The following MAGI3 variants were observed in gnomAD, a reference collection of about 807,000 sequenced individuals.
The protein encoded by MAGI3 is membrane-associated guanylate kinase, WW and PDZ domain-containing protein 3.
Under a neutral mutation model 121.8 loss-of-function variants are expected in MAGI3, and 43 were observed. The observed-to-expected ratio is 0.35, with a 90% confidence interval of 0.28 to 0.46. The LOEUF is 0.46. Ranked by LOEUF, MAGI3 falls within the 20% of genes least tolerant of loss-of-function variation. The pLI is 1.00. For missense variants in MAGI3, 1,547 were observed against 1,797.3 expected (o/e 0.86, Z 2.52); for synonymous variants, 553 against 639.3 (o/e 0.86, Z 2.04).
intron 1 of MAGI3, chr1:113,449,585 G>A: frequency 1.6e-6 from 1 of 626,074 alleles, no homozygotes; most frequent in Non-Finnish European, 2.8e-6. Context: ...ATCTGCAAGT[G>A]CATTTTTTTT....
At chr1:113,517,138 A>T (rs1410654848) in intron 1 of MAGI3, among the ~76,000 whole-genome samples, 1 of 151,944 alleles carries the variant, frequency 6.6e-6, no homozygotes, top group Non-Finnish European at 1.5e-5. Context: ...ACTTTAGGTA[A>T]AAAATTAGGA....
rs1402838182 is a variant in MAGI3 at position 113,658,788 on chromosome 1, C to G, written c.2630-292C>G. On this transcript the variant is annotated intron_variant, in intron 15 of 20. Coordinates refer to ENST00000307546, the MANE Select transcript of MAGI3 (RefSeq NM_001142782.2). The surrounding 1 kb of genome is among the most constrained non-coding windows in gnomAD (Gnocchi z 4.0). Reference sequence around the variant, plus strand: ...TGAGATTAGTAGCTCTTAAACAGAACAATTACGATGAGAATGTAAAAATTA... The same window carrying G: ...TGAGATTAGTAGCTCTTAAACAGAAGAATTACGATGAGAATGTAAAAATTA... Among the ~76,000 whole-genome samples the G allele has an allele frequency of 6.6e-6, 1 of 152,076 alleles. No homozygotes were observed. The highest frequency in any genetic ancestry group is 1.5e-5 in the Non-Finnish European group (1 of 68,008).
chr1:113,423,262 G>T lies in MAGI3; in HGVS notation c.316+31913G>T, dbSNP rs1010150345. ...TAAGTATTCGTTTTTTTTTTTTTGGGGGGGGGGTTGTTTTTGTTTTTGTTT... is the reference window on the plus strand; with the variant it reads ...TAAGTATTCGTTTTTTTTTTTTTGGTGGGGGGGTTGTTTTTGTTTTTGTTT... On this transcript the variant is annotated intron_variant, in intron 1 of 20. Transcript: ENST00000307546. 2.8e-4 allele frequency among the ~76,000 whole-genome samples: 41 copies of T among 147,708 alleles called. No individual in the cohort carries two copies. In the East Asian group the frequency reaches 4.4e-3, roughly 16 times the overall value.
intron 1 of MAGI3, among the ~76,000 whole-genome samples, chr1:113,519,992 A>T (rs1356498453): frequency 1.3e-5 from 2 of 152,218 alleles, no homozygotes; most frequent in Non-Finnish European, 2.9e-5. Context: ...TTTTCACTGC[A>T]TGTGCAATGT....
At chr1:113,458,633 C>G (rs1417162352) in intron 1 of MAGI3, among the ~76,000 whole-genome samples, 1 of 152,166 alleles carries the variant, frequency 6.6e-6, no homozygotes, top group Non-Finnish European at 1.5e-5. Flanking sequence ...ACCCCAGGCT[C>G]CCAGGTAGCA....
intron 16 of MAGI3, among the ~76,000 whole-genome samples, chr1:113,667,417 A>C (rs572664810): frequency 6.6e-6 from 1 of 152,320 alleles, no homozygotes; most frequent in Admixed American, 6.5e-5. Context: ...AACCTCATGA[A>C]CCAGCTTCTT....
intron 1 of MAGI3, among the ~76,000 whole-genome samples, chr1:113,478,130 A>G (rs966576979): frequency 5.9e-5 from 9 of 152,116 alleles, no homozygotes; most frequent in African/African-American, 2.2e-4. Flanking sequence ...CCATTCATCT[A>G]ATCTTTTTTC....
chr1:113,582,057 A>G (rs549872347), intron 3 of MAGI3, among the ~76,000 whole-genome samples: 2 of 152,206 alleles, frequency 1.3e-5, no homozygotes, highest in East Asian at 3.9e-4. Context: ...CTTATTATTA[A>G]TTGCTGTGTG....
At chr1:113,433,594 TTG>T (rs1197242723) in intron 1 of MAGI3, among the ~76,000 whole-genome samples, 1 of 152,202 alleles carries the variant, frequency 6.6e-6, no homozygotes, top group Non-Finnish European at 1.5e-5. Flanking sequence ...ATCCCATTCA[TTG>T]ATATTTAGTG....
intron 9 of MAGI3, among the ~76,000 whole-genome samples, chr1:113,636,305 T>C (rs1462527167): frequency 6.6e-6 from 1 of 152,226 alleles, no homozygotes; most frequent in South Asian, 2.1e-4. Context: ...TTCTAGTTCT[T>C]TTAATTGTGA....
chr1:113,568,401 T>A lies in MAGI3; in HGVS notation c.434-12141T>A, dbSNP rs369136251. Among the ~76,000 whole-genome samples the A allele has an allele frequency of 2.0e-4, 31 of 152,214 alleles. 1 individual carries two copies. Among genetic ancestry groups the A allele is most frequent in the Admixed American group, 1.4e-3 (22 of 15,274 alleles). ...TCTTATTCATGAATTAAAGGCAGTATGGCAAAGATACCAGTTCTGCTCAAA... is the reference window on the plus strand; with the variant it reads ...TCTTATTCATGAATTAAAGGCAGTAAGGCAAAGATACCAGTTCTGCTCAAA... On this transcript the variant is annotated intron_variant, in intron 2 of 20. Coordinates refer to ENST00000307546, the MANE Select transcript of MAGI3 (RefSeq NM_001142782.2).
rs2101047702 is a variant in MAGI3 at position 113,685,226 on chromosome 1, AG to A, written c.*1213del. On this transcript the variant is annotated 3_prime_UTR_variant, in exon 21 of 21. Coordinates refer to ENST00000307546, the MANE Select transcript of MAGI3 (RefSeq NM_001142782.2). The stretch of plus-strand genomic sequence containing the variant: ...ACACATTTTCAGAATTCTTTTTAAA[AG>A]TCTAGTTAAAGATGTTTCTTAGAAG... The A allele has an allele frequency of 6.6e-6, 1 of 152,508 alleles. No homozygotes were observed. Among genetic ancestry groups the A allele is most frequent in the African/African-American group, 2.4e-5 (1 of 41,586 alleles). The allele number at this position is 152,508 out of a possible 1,614,324, so 9.4% of individuals were successfully genotyped here.
chr1:113,503,732 T>C (rs1233561607), intron 1 of MAGI3, among the ~76,000 whole-genome samples: 8 of 152,090 alleles, frequency 5.3e-5, no homozygotes, highest in Admixed American at 5.2e-4. Flanking sequence ...TATTATTAAA[T>C]CTAATTTGCA....
chr1:113,395,659 A>ATATATG (rs1158391047), intron 1 of MAGI3, among the ~76,000 whole-genome samples: 1 of 151,924 alleles, frequency 6.6e-6, no homozygotes, highest in Non-Finnish European at 1.5e-5. Flanking sequence ...TATTATATGC[A>ATATATG]TATATGTATA....
At chr1:113,484,076 C>T (rs1656236804) in intron 1 of MAGI3, among the ~76,000 whole-genome samples, 1 of 152,020 alleles carries the variant, frequency 6.6e-6, no homozygotes, top group Non-Finnish European at 1.5e-5. Flanking sequence ...TTAGAAATAG[C>T]AAATGATTCT....
At chr1:113,639,630 C>T (rs773614498) in intron 9 of MAGI3, among the ~76,000 whole-genome samples, 17 of 152,060 alleles carry the variant, frequency 1.1e-4, no homozygotes, top group Non-Finnish European at 2.2e-4. Context: ...TGCAGTGCTG[C>T]GACCTCGGCT....
rs186184058 is a variant in MAGI3 at position 113,478,938 on chromosome 1, A to G, written c.317-70577A>G. ...CTTCCCCAAGCCGCTTTGTTTACCTACTCAAGCCTCAGCAATGGCAGATGC... is the reference window on the plus strand; with the variant it reads ...CTTCCCCAAGCCGCTTTGTTTACCTGCTCAAGCCTCAGCAATGGCAGATGC... On this transcript the variant is annotated intron_variant, in intron 1 of 20. Coordinates refer to ENST00000307546, the MANE Select transcript of MAGI3 (RefSeq NM_001142782.2). Among the ~76,000 whole-genome samples the G allele has an allele frequency of 2.3e-3, 347 of 152,162 alleles. 2 individuals are homozygous for G. Among genetic ancestry groups the G allele is most frequent in the African/African-American group, 8.0e-3 (333 of 41,508 alleles).
chr1:113,633,804 TCAC>T (rs1651821973), intron 9 of MAGI3, among the ~76,000 whole-genome samples: 1 of 152,334 alleles, frequency 6.6e-6, no homozygotes, highest in African/African-American at 2.4e-5. Context: ...CCCTGAGGAA[TCAC>T]CACACTGACT....
intron 6 of MAGI3, among the ~76,000 whole-genome samples, chr1:113,604,305 A>G (rs988454089): frequency 6.6e-5 from 10 of 152,170 alleles, no homozygotes; most frequent in Admixed American, 2.0e-4. Flanking sequence ...GCATTGGCTC[A>G]TGCCTGTAAT....
Sources: gnomAD v4.1 joint callset for allele counts (sites outside exome capture counted in the v4.1 genomes callset) on GRCh38, gnomAD v4.1.1 for gene constraint, Gnocchi (gnomAD v3.1) non-coding constraint, MANE v1.5 for transcripts, NCBI Gene and HGNC (gene_info 2026-07-23, HGNC 2026-07-21) for gene names.